Variants in RANBP2 observed in about 807,000 individuals in gnomAD.
RANBP2 encodes the protein RAN binding protein 2.
RANBP2 carries 57 observed loss-of-function variants against 303.6 expected under a neutral mutation model. The ratio of observed to expected loss-of-function variants is 0.19; its 90% CI spans 0.15 to 0.23. RANBP2 has a LOEUF of 0.23. Among genes scored for constraint, RANBP2 ranks in the 10% least tolerant of loss-of-function variants. The probability of loss-of-function intolerance (pLI) is 1.00; values close to 1 mark genes in which losing one functional copy is unlikely to be tolerated. For missense variants in RANBP2, 3,138 were observed against 3,780.8 expected (o/e 0.83, Z 4.46); for synonymous variants, 1,167 against 1,301.5 (o/e 0.90, Z 2.23).
the RANBP2 span, among the ~76,000 whole-genome samples, chr2:109,370,443 T>C: frequency 6.6e-6 from 1 of 152,090 alleles, no homozygotes; most frequent in African/African-American, 2.4e-5. Flanking sequence ...TTTCACCATA[T>C]TGGTCAGGCT....
the RANBP2 span, among the ~76,000 whole-genome samples, chr2:108,870,461 A>T: frequency 2.0e-5 from 3 of 152,298 alleles, no homozygotes; most frequent in East Asian, 5.8e-4. Flanking sequence ...AATAGCTGAA[A>T]ACTTATCAAA....
the RANBP2 span, among the ~76,000 whole-genome samples, chr2:109,303,133 C>T: frequency 6.6e-6 from 1 of 152,214 alleles, no homozygotes; most frequent in Non-Finnish European, 1.5e-5. Flanking sequence ...GCCTCAGCCT[C>T]ACAAGGTGCT....
the RANBP2 span, among the ~76,000 whole-genome samples, chr2:108,853,929 A>G: frequency 3.2e-5 from 4 of 125,084 alleles, no homozygotes; most frequent in African/African-American, 1.2e-4. Context: ...TATATTATAT[A>G]TAATTTATAT....
chr2:109,615,713 C>A, the RANBP2 span: 2 of 1,613,378 alleles, frequency 1.2e-6, no homozygotes, highest in Non-Finnish European at 1.7e-6. Flanking sequence ...CCGCGGGTAG[C>A]GGCGGCGGGC....
At chr2:109,015,590 T>G in the RANBP2 span, among the ~76,000 whole-genome samples, 1 of 151,906 alleles carries the variant, frequency 6.6e-6, no homozygotes, top group Non-Finnish European at 1.5e-5. Context: ...AAACCCTGCC[T>G]TTACTAAAAA....
At chr2:109,197,174 C>G in the RANBP2 span, among the ~76,000 whole-genome samples, 1 of 152,170 alleles carries the variant, frequency 6.6e-6, no homozygotes, top group Non-Finnish European at 1.5e-5. Context: ...CCCTGCGGCC[C>G]AGGAAGGCGG....
chr2:108,852,537 G>A, the RANBP2 span, among the ~76,000 whole-genome samples: 1 of 152,318 alleles, frequency 6.6e-6, no homozygotes, highest in Non-Finnish European at 1.5e-5. Flanking sequence ...TAAAGAAAAT[G>A]TGGTACATAT....
At chr2:109,634,016 A>G in the RANBP2 span, among the ~76,000 whole-genome samples, 5 of 145,572 alleles carry the variant, frequency 3.4e-5, no homozygotes, top group Non-Finnish European at 7.5e-5. Context: ...GCTACTCAGG[A>G]GGCTGAGACA....
intron 14 of RANBP2, 77 bp from the exon 15 acceptor site, chr2:108,753,748 G>A: frequency 6.2e-7 from 1 of 1,609,992 alleles, no homozygotes; most frequent in Non-Finnish European, 8.5e-7. Context: ...TTACAGGCAT[G>A]AGCCACCATG....
the RANBP2 span, chr2:109,564,140 T>C: frequency 0.061 from 23,709 of 390,154 alleles, 1,620 homozygotes; most frequent in Admixed American, 0.23. Flanking sequence ...TTCTTCATCA[T>C]ATTTAACTCT....
chr2:109,386,440 G>T, the RANBP2 span, among the ~76,000 whole-genome samples: 1 of 152,156 alleles, frequency 6.6e-6, no homozygotes, highest in Non-Finnish European at 1.5e-5. Flanking sequence ...AAAACACTGT[G>T]GCTGCTTGTG....
the RANBP2 span, among the ~76,000 whole-genome samples, chr2:109,092,530 C>G: frequency 6.6e-6 from 1 of 152,164 alleles, no homozygotes; most frequent in Non-Finnish European, 1.5e-5. Flanking sequence ...AATCTTTTAC[C>G]TACATTTCCA....
chr2:109,418,153 C>T, the RANBP2 span, among the ~76,000 whole-genome samples: 2 of 152,232 alleles, frequency 1.3e-5, no homozygotes, highest in East Asian at 1.9e-4. Context: ...AGCCTGGCCC[C>T]GTCCTGTGCT....
the RANBP2 span, among the ~76,000 whole-genome samples, chr2:109,241,225 T>A: frequency 6.7e-6 from 1 of 150,128 alleles, no homozygotes; most frequent in Non-Finnish European, 1.5e-5. Flanking sequence ...AGTTTGTTTG[T>A]CTCTTGACCT....
chr2:109,571,808 C>T, the RANBP2 span, among the ~76,000 whole-genome samples: 1 of 152,164 alleles, frequency 6.6e-6, no homozygotes, highest in Admixed American at 6.5e-5. Context: ...TCAAGGTGGA[C>T]TGCCTCTGAA....
the RANBP2 span, among the ~76,000 whole-genome samples, chr2:109,391,480 T>A: frequency 6.6e-6 from 1 of 152,216 alleles, no homozygotes; most frequent in Non-Finnish European, 1.5e-5. Context: ...CACACAGGTC[T>A]CCAGCACACT....
chr2:109,563,068 A>T, the RANBP2 span, among the ~76,000 whole-genome samples: 2 of 151,938 alleles, frequency 1.3e-5, no homozygotes, highest in Non-Finnish European at 2.9e-5. Flanking sequence ...GTGCCACCAT[A>T]CCCAGCTAAT....
chr2:108,855,665 T>C, the RANBP2 span, among the ~76,000 whole-genome samples: 1 of 152,214 alleles, frequency 6.6e-6, no homozygotes, highest in Non-Finnish European at 1.5e-5. Flanking sequence ...TGGAGTGTAC[T>C]ATAATTGATC....
the RANBP2 span, among the ~76,000 whole-genome samples, chr2:109,038,400 G>A: frequency 6.6e-6 from 1 of 152,128 alleles, no homozygotes; most frequent in Non-Finnish European, 1.5e-5. Flanking sequence ...TTGGGAGGCC[G>A]AGGAGGGTAG....
Sources: allele counts gnomAD v4.1 joint callset (sites outside exome capture counted in the v4.1 genomes callset), GRCh38; gene constraint gnomAD v4.1.1; transcripts MANE v1.5; gene names NCBI Gene and HGNC (gene_info 2026-07-23, HGNC 2026-07-21).